The following DEPDC1B variants were observed in gnomAD, a reference collection of about 807,000 sequenced individuals.
The protein encoded by DEPDC1B is DEP domain-containing protein 1B.
Under a neutral mutation model 66.5 loss-of-function variants are expected in DEPDC1B, and 51 were observed. That is an observed-to-expected ratio of 0.77 (90% confidence interval 0.61 to 0.97). The LOEUF (loss-of-function observed/expected upper bound fraction) is 0.97. Among genes scored for constraint, DEPDC1B ranks in the 50% least tolerant of loss-of-function variants. DEPDC1B has a pLI of 0.00. For missense variants in DEPDC1B, 552 were observed against 637.1 expected (o/e 0.87, Z 1.44); for synonymous variants, 226 against 223.6 (o/e 1.01, Z -0.10).
chr5:60,660,023 A>G (rs909356426), intron 2 of DEPDC1B, among the ~76,000 whole-genome samples: 4 of 152,152 alleles, frequency 2.6e-5, no homozygotes, highest in African/African-American at 9.7e-5. Flanking sequence ...CAACAACATA[A>G]TAGATCAGGA....
intron 7 of DEPDC1B, among the ~76,000 whole-genome samples, chr5:60,637,451 T>C (rs1753069134): frequency 6.6e-6 from 1 of 152,240 alleles, no homozygotes; most frequent in Non-Finnish European, 1.5e-5. Flanking sequence ...AGGCAGACAC[T>C]GCCATGCTTC....
chr5:60,638,973 G>T, intron 6 of DEPDC1B, 83 bp from the exon 7 acceptor site: 1 of 1,452,770 alleles, frequency 6.9e-7, no homozygotes, highest in Non-Finnish European at 9.3e-7. Context: ...TGTGTGGCGT[G>T]TACAGATATT....
chr5:60,667,792 GGATATTTTACATATATA>G (rs1753897250), intron 2 of DEPDC1B, among the ~76,000 whole-genome samples: 27 of 125,096 alleles, frequency 2.2e-4, no homozygotes, highest in African/African-American at 6.0e-4. Context: ...TATAAAAAAT[GGATATTTTACATATATA>G]TAAAAAATGG....
chr5:60,690,168 T>C (rs1248921848), intron 1 of DEPDC1B, among the ~76,000 whole-genome samples: 2 of 152,222 alleles, frequency 1.3e-5, no homozygotes, highest in East Asian at 1.9e-4. Context: ...TATATACTTA[T>C]AAACATAAGT....
At chr5:60,658,346 T>A (rs1004967938) in intron 2 of DEPDC1B, among the ~76,000 whole-genome samples, 7 of 152,224 alleles carry the variant, frequency 4.6e-5, no homozygotes, top group Non-Finnish European at 8.8e-5. Flanking sequence ...ACTAGTGTAA[T>A]CTTTTGGGGA....
At chr5:60,646,065 CAAGT>C (rs1237024933) in intron 3 of DEPDC1B, among the ~76,000 whole-genome samples, 1 of 152,142 alleles carries the variant, frequency 6.6e-6, no homozygotes, top group Non-Finnish European at 1.5e-5. Context: ...AAGCAAATAT[CAAGT>C]AAGTGCAATG....
intron 7 of DEPDC1B, among the ~76,000 whole-genome samples, chr5:60,632,989 C>T (rs1249235370): frequency 6.6e-6 from 1 of 152,224 alleles, no homozygotes; most frequent in Non-Finnish European, 1.5e-5. Context: ...ATGCCCTCAC[C>T]TAAGTACTAC....
intron 2 of DEPDC1B, among the ~76,000 whole-genome samples, chr5:60,660,775 C>G (rs1312220414): frequency 1.3e-5 from 2 of 152,188 alleles, no homozygotes; most frequent in African/African-American, 4.8e-5. Flanking sequence ...ACTGAAAATT[C>G]CCTTAACCCA....
chr5:60,638,903 A>T lies in DEPDC1B; in HGVS notation c.758-13T>A, dbSNP rs1753122013. 1 of 1,606,540 alleles carries T rather than the reference A, an allele frequency of 6.2e-7. No individual in the cohort carries two copies. Among genetic ancestry groups the T allele is most frequent in the Middle Eastern group, 1.7e-4 (1 of 6,040 alleles). On this transcript the variant is annotated splice_polypyrimidine_tract_variant and intron_variant, in intron 6 of 10. Coordinates refer to ENST00000265036, the MANE Select transcript of DEPDC1B (RefSeq NM_018369.3). ...GAACAGTTGGGCCCTATTTTCAAAA[A>T]GAGAGTGAAAGAGAAACATTAATGG...
rs527286701 is a variant in DEPDC1B at position 60,680,706 on chromosome 5, C to T, written c.314+6256G>A. Among the ~76,000 whole-genome samples the T allele has an allele frequency of 1.5e-3, 224 of 152,318 alleles. 4 individuals carry two copies. Among genetic ancestry groups the T allele is most frequent in the Middle Eastern group, 6.8e-3 (2 of 294 alleles). On this transcript the variant is annotated intron_variant, in intron 2 of 10. Transcript: ENST00000265036. ...CCTTGCCTTCTTTATTTGAGAAGAACTTCTTGAAGAAGACAGTTCATCATT... is the reference window on the plus strand; with the variant it reads ...CCTTGCCTTCTTTATTTGAGAAGAATTTCTTGAAGAAGACAGTTCATCATT...
chr5:60,670,240 C>T (rs367979090), intron 2 of DEPDC1B, among the ~76,000 whole-genome samples: 6 of 152,134 alleles, frequency 3.9e-5, no homozygotes, highest in East Asian at 3.9e-4. Context: ...AAAAATTAGC[C>T]GGGCGTGGTG....
chr5:60,615,865 C>T (rs1412570425), intron 7 of DEPDC1B, among the ~76,000 whole-genome samples: 2 of 152,128 alleles, frequency 1.3e-5, no homozygotes, highest in Admixed American at 6.5e-5. Flanking sequence ...CCCTGACTCC[C>T]GAGTAGCTTA....
chr5:60,606,184 G>A (rs750804508), intron 7 of DEPDC1B, among the ~76,000 whole-genome samples: 20 of 152,138 alleles, frequency 1.3e-4, no homozygotes, highest in South Asian at 2.1e-4. Context: ...CAACACTCAC[G>A]TTGTTAATAA....
chr5:60,669,093 C>A (rs1436447285), intron 2 of DEPDC1B, among the ~76,000 whole-genome samples: 1 of 152,066 alleles, frequency 6.6e-6, no homozygotes, highest in Non-Finnish European at 1.5e-5. Context: ...ACCACCACTG[C>A]CAAATATTGG....
At position 60,644,788 on chromosome 5, in the gene DEPDC1B, A is replaced by G. The variant is rs1753271218; in HGVS notation, c.666T>C (p.Tyr222=). The change falls in exon 5 of 11, where the codon TAT becomes TAC. Residue 222 remains tyrosine (Y), a synonymous_variant. Transcript: ENST00000265036. ...TAACAACTCCCTGCTTGCTAACACT[A>G]TATACATTATGGATGATGAACTTCG... is the stretch of plus-strand genomic sequence containing the variant. The part of the protein sequence containing the change: ...VNSKFIIHNV[Y]SVSKQGVVIL... 1.9e-6 allele frequency: 3 copies of G among 1,610,304 alleles called. No individual in the cohort carries two copies. Among genetic ancestry groups the G allele is most frequent in the Non-Finnish European group, 2.5e-6 (3 of 1,178,190 alleles).
intron 2 of DEPDC1B, among the ~76,000 whole-genome samples, chr5:60,661,579 A>G (rs1288453097): frequency 6.6e-6 from 1 of 152,230 alleles, no homozygotes; most frequent in Non-Finnish European, 1.5e-5. Flanking sequence ...AGACCTAGGT[A>G]AATTATCAGA....
chr5:60,640,378 C>CA (rs1753159456), intron 6 of DEPDC1B, among the ~76,000 whole-genome samples: 1 of 151,908 alleles, frequency 6.6e-6, no homozygotes, highest in Non-Finnish European at 1.5e-5. Flanking sequence ...TAAAAATATG[C>CA]AAAAAAATTT....
At chr5:60,660,704 A>T (rs956489874) in intron 2 of DEPDC1B, among the ~76,000 whole-genome samples, 4 of 152,256 alleles carry the variant, frequency 2.6e-5, no homozygotes, top group African/African-American at 9.6e-5. Context: ...GTAGCTTACT[A>T]ACTCAAAAAT....
chr5:60,644,712 C>A (rs917447464), intron 5 of DEPDC1B, 33 bp downstream of exon 5: 8 of 1,563,420 alleles, frequency 5.1e-6, no homozygotes, highest in South Asian at 1.2e-5. Flanking sequence ...TATATTATGT[C>A]AATAAGTAAC....
Sources: gnomAD v4.1 joint callset for allele counts (sites outside exome capture counted in the v4.1 genomes callset) on GRCh38, gnomAD v4.1.1 for gene constraint, MANE v1.5 for transcripts, NCBI Gene and HGNC (gene_info 2026-07-23, HGNC 2026-07-21) for gene names.